Variants in DZIP1 observed in about 807,000 individuals in gnomAD.
The protein encoded by DZIP1 is DAZ interacting zinc finger protein 1.
DZIP1 carries 97 observed loss-of-function variants against 107.6 expected under a neutral mutation model. That is an observed-to-expected ratio of 0.90 (90% CI 0.77 to 1.07). The LOEUF is 1.07. DZIP1 is among the 50% of genes least tolerant of loss of function. DZIP1 has a pLI of 0.00. For synonymous variants in DZIP1, 390 were observed against 386.4 expected (o/e 1.01, Z -0.11); for missense variants, 1,035 against 1,063.6 (o/e 0.97, Z 0.37).
At chr13:95,616,290 T>A (rs1288824045) in intron 10 of DZIP1, among the ~76,000 whole-genome samples, 1 of 152,188 alleles carries the variant, frequency 6.6e-6, no homozygotes, top group African/African-American at 2.4e-5. Flanking sequence ...CTACAGCAGA[T>A]GGTGCTTAGA....
chr13:95,598,649 G>C (rs1034300502), intron 15 of DZIP1, among the ~76,000 whole-genome samples: 2 of 151,958 alleles, frequency 1.3e-5, no homozygotes, highest in African/African-American at 4.8e-5. Context: ...GTGATATATG[G>C]TGAATTATTA....
chr13:95,583,953 T>C (rs2044074508), intron 22 of DZIP1, among the ~76,000 whole-genome samples: 1 of 151,584 alleles, frequency 6.6e-6, no homozygotes, highest in South Asian at 2.1e-4. Context: ...TGAGACCCCA[T>C]ATCCTAAAAA....
intron 16 of DZIP1, among the ~76,000 whole-genome samples, chr13:95,593,039 A>C (rs770934192): frequency 2.6e-5 from 4 of 152,234 alleles, no homozygotes; most frequent in African/African-American, 4.8e-5. Flanking sequence ...GGTGCTGGTT[A>C]TAGATCATAC....
In DZIP1 at chr13:95,587,733, C is replaced by T. The variant is rs763101283; in HGVS notation, c.2028-4G>A. ...CTCTGAACTAAAAGGAGGGGTCCTA[C>T]ACAAATCAACACCGAGATAGGGGCG... is the stretch of plus-strand genomic sequence containing the variant. On this transcript the variant is annotated splice_region_variant and splice_polypyrimidine_tract_variant and intron_variant, in intron 19 of 22. Transcript: ENST00000376829. The T allele has an allele frequency of 4.3e-6, 7 of 1,611,348 alleles. No homozygotes were observed. The highest frequency in any genetic ancestry group is 5.9e-6 in the Non-Finnish European group (7 of 1,178,906).
At chr13:95,617,792 T>C (rs887813533) in intron 10 of DZIP1, among the ~76,000 whole-genome samples, 7 of 152,114 alleles carry the variant, frequency 4.6e-5, no homozygotes, top group African/African-American at 1.7e-4. Flanking sequence ...AAGGCTGGAA[T>C]TGAGGAGACC....
intron 13 of DZIP1, among the ~76,000 whole-genome samples, chr13:95,606,504 G>A (rs1254838423): frequency 6.6e-6 from 1 of 152,160 alleles, no homozygotes; most frequent in African/African-American, 2.4e-5. Context: ...GGTCCCTTGC[G>A]TCTGGTTTTG....
intron 13 of DZIP1, among the ~76,000 whole-genome samples, chr13:95,606,512 T>G (rs889318873): frequency 2.0e-5 from 3 of 152,234 alleles, no homozygotes; most frequent in Admixed American, 2.0e-4. Flanking sequence ...GCGTCTGGTT[T>G]TGCTCACTTA....
At chr13:95,589,675 G>C in intron 18 of DZIP1, 128 bp downstream of exon 18, 3 of 1,260,682 alleles carry the variant, frequency 2.4e-6, no homozygotes, top group Non-Finnish European at 3.3e-6. Flanking sequence ...TCCTGATCTT[G>C]GACTTTCAGC....
chr13:95,591,747 C>T (rs997440297), intron 16 of DZIP1, among the ~76,000 whole-genome samples: 1 of 152,144 alleles, frequency 6.6e-6, no homozygotes, highest in African/African-American at 2.4e-5. Context: ...AGGATAAGAC[C>T]TAATACTGTA....
chr13:95,610,111 T>TGTGTGTGTGTGTGAGAGAGAGA (rs368276400), intron 12 of DZIP1, among the ~76,000 whole-genome samples: 36 of 126,760 alleles, frequency 2.8e-4, no homozygotes, highest in Middle Eastern at 4.1e-3. Context: ...TGTGTGTGTG[T>TGTGTGTGTGTGTGAGAGAGAGA]GAGAGAGAGA....
rs1392590884 is a variant in DZIP1 at position 95,606,102 on chromosome 13, A to G, written c.1421-43T>C. ...GGAAAAACTCAGAGGTTCCATAATTAAAGCATAAGCATCCGAACATGATGG... is the reference window on the plus strand; with the variant it reads ...GGAAAAACTCAGAGGTTCCATAATTGAAGCATAAGCATCCGAACATGATGG... On this transcript the variant is annotated intron_variant, in intron 13 of 22. Transcript: ENST00000376829. The G allele has an allele frequency of 3.1e-6, 5 of 1,603,894 alleles. No individual in the cohort carries two copies. In the South Asian group the frequency reaches 4.4e-5, roughly 14 times the overall value.
rs759842631 is a variant in DZIP1 at position 95,624,862 on chromosome 13, T to A, written c.878A>T (p.Glu293Val). Reference sequence around the variant, plus strand: ...CATTTCATCAACTAGTTTCTCCTTTTCTTCTTCTTTCCACCTGTCAAATAA... The same window carrying A: ...CATTTCATCAACTAGTTTCTCCTTTACTTCTTCTTTCCACCTGTCAAATAA... ...LKLFDRWKEE[E>V]KEKLVDEMEK... The change falls in exon 8 of 23, where the codon GAA (glutamate) becomes GTA (valine). Residue 293 changes from glutamate (E) to valine (V), a missense_variant. Coordinates refer to ENST00000376829, the MANE Select transcript of DZIP1 (RefSeq NM_198968.4). 33 of 1,611,946 alleles carry A rather than the reference T, an allele frequency of 2.0e-5. No individual in the cohort carries two copies. The highest frequency in any genetic ancestry group is 2.7e-5 in the Non-Finnish European group (32 of 1,179,290).
At chr13:95,589,061 A>T in intron 19 of DZIP1, 93 bp downstream of exon 19, 1 of 1,000,286 alleles carries the variant, frequency 1.0e-6, no homozygotes, top group Non-Finnish European at 1.5e-6. Flanking sequence ...TTACGGCTTC[A>T]TTCAACCATA....
intron 15 of DZIP1, among the ~76,000 whole-genome samples, chr13:95,598,349 A>T (rs77897727): frequency 4.0e-3 from 606 of 152,304 alleles, no homozygotes; most frequent in African/African-American, 0.011. Context: ...TGGAAGCAAA[A>T]TAAACAAACC....
chr13:95,587,905 T>C lies in DZIP1; in HGVS notation c.2028-176A>G. The C allele has an allele frequency of 4.4e-6, 3 of 680,246 alleles. No homozygotes were observed. In the South Asian group the frequency reaches 7.1e-5, roughly 16 times the overall value. 42.1% of individuals were successfully genotyped at this position (680,246 alleles called of 1,614,324 possible). ...CGAGGCCAGAGGTTATACCCACGGC[T>C]GTAGCATCCTCCCACGCCCAGATCT... On this transcript the variant is annotated intron_variant, in intron 19 of 22. Transcript: ENST00000376829.
intron 5 of DZIP1, among the ~76,000 whole-genome samples, chr13:95,634,962 T>C (rs1877616750): frequency 1.3e-5 from 2 of 152,182 alleles, no homozygotes; most frequent in Admixed American, 1.3e-4. Flanking sequence ...TTATGTCTCT[T>C]AACACTCTTT....
In DZIP1 at chr13:95,593,940, A is replaced by G. The variant is rs770402926; in HGVS notation, c.1680+4T>C. On this transcript the variant is annotated splice_donor_region_variant and intron_variant, in intron 16 of 22. Coordinates refer to ENST00000376829, the MANE Select transcript of DZIP1 (RefSeq NM_198968.4). The stretch of plus-strand genomic sequence containing the variant: ...ACAAATATTCCAAAAATGAATGAAC[A>G]TACTGCATTAATCCCCAAGGTTTCC... 1.6e-5 allele frequency: 26 copies of G among 1,597,072 alleles called. No homozygotes were observed. The South Asian group carries it at 2.2e-4, about 13-fold the overall frequency.
chr13:95,637,576 AAAAAAG>A, intron 5 of DZIP1, among the ~76,000 whole-genome samples: 1 of 150,358 alleles, frequency 6.7e-6, no homozygotes, highest in African/African-American at 2.4e-5. Flanking sequence ...CTTCACTTTA[AAAAAAG>A]AAAAAGAGAG....
intron 16 of DZIP1, among the ~76,000 whole-genome samples, chr13:95,593,339 C>A (rs928316510): frequency 6.6e-6 from 1 of 152,130 alleles, no homozygotes; most frequent in Non-Finnish European, 1.5e-5. Flanking sequence ...TGCTCACAAG[C>A]TTTGCATATA....
Sources: allele counts gnomAD v4.1 joint callset (sites outside exome capture counted in the v4.1 genomes callset), GRCh38; gene constraint gnomAD v4.1.1; transcripts MANE v1.5; gene names NCBI Gene and HGNC (gene_info 2026-07-23, HGNC 2026-07-21).